The following OCLN variants were observed in gnomAD, a reference collection of about 807,000 sequenced individuals.
OCLN encodes the protein phosphatase 1, regulatory subunit 115.
A neutral mutation model predicts 47.9 loss-of-function variants in OCLN; 21 were observed. The ratio of observed to expected loss-of-function variants is 0.44; its 90% CI spans 0.31 to 0.63. The LOEUF is 0.63. Ranked by LOEUF, OCLN falls within the 30% of genes least tolerant of loss-of-function variation. The pLI, the probability that OCLN is intolerant of heterozygous loss-of-function variation, is 0.08. For synonymous variants in OCLN, 117 were observed against 198.4 expected, an observed-to-expected ratio of 0.59 and a Z score of 3.45; for missense variants, 360 against 571.0, an observed-to-expected ratio of 0.63 and a Z score of 3.77.
intron 4 of OCLN, among the ~76,000 whole-genome samples, chr5:69,519,958 T>TTTTG (rs904164231): frequency 1.3e-5 from 2 of 152,134 alleles, no homozygotes; most frequent in African/African-American, 2.4e-5. Flanking sequence ...ATAAAGTAAT[T>TTTTG]TTTGTTTGTT....
rs1414885007 is a variant in OCLN, at chr5:69,532,138, TTTTTTTTC to T, written c.892-2542_892-2535del. ...TTATGTACTAGGTAGTTTTCTCCTT[TTTTTTTTC>T]TTTTTTTCTTTTTCAGATGAAAACT... On this transcript the variant is annotated intron_variant, in intron 4 of 8. Transcript: ENST00000396442. 7.9e-5 allele frequency among the ~76,000 whole-genome samples: 12 copies of T among 152,322 alleles called. No homozygotes were observed. In the East Asian group the frequency reaches 1.9e-3, roughly 24 times the overall value.
chr5:69,497,025 T>C (rs1446412006), intron 1 of OCLN, among the ~76,000 whole-genome samples: 1 of 152,176 alleles, frequency 6.6e-6, no homozygotes, highest in Non-Finnish European at 1.5e-5. Context: ...TCTTTCACCT[T>C]TGGCTGCTGG....
intron 1 of OCLN, among the ~76,000 whole-genome samples, chr5:69,498,925 C>T (rs1223490673): frequency 5.3e-5 from 8 of 152,070 alleles, no homozygotes; most frequent in Admixed American, 2.0e-4. Context: ...GTGATCCGCC[C>T]GTCTTGGGCT....
chr5:69,506,879 T>C (rs191573565), intron 2 of OCLN, among the ~76,000 whole-genome samples: 18 of 152,324 alleles, frequency 1.2e-4, no homozygotes, highest in Admixed American at 1.0e-3. Context: ...TGACACTTAT[T>C]TTGTGTTGCT....
intron 3 of OCLN, among the ~76,000 whole-genome samples, chr5:69,513,026 C>T (rs1444600267): frequency 2.6e-5 from 4 of 152,110 alleles, no homozygotes; most frequent in Non-Finnish European, 1.5e-5. Context: ...TCACAGTGCT[C>T]GTTGTTGCCA....
chr5:69,529,393 A>G (rs1769369120), intron 4 of OCLN, among the ~76,000 whole-genome samples: 1 of 152,258 alleles, frequency 6.6e-6, no homozygotes. Flanking sequence ...AGCTTTGAAT[A>G]AAAATTTATC....
intron 4 of OCLN, among the ~76,000 whole-genome samples, chr5:69,533,869 C>T (rs1232989818): frequency 6.6e-6 from 1 of 152,140 alleles, no homozygotes; most frequent in Admixed American, 6.5e-5. Context: ...GCTGTGTCAG[C>T]CAGGATGGTC....
At chr5:69,494,653 G>A (rs964897498) in intron 1 of OCLN, among the ~76,000 whole-genome samples, 2 of 152,266 alleles carry the variant, frequency 1.3e-5, no homozygotes, top group South Asian at 2.1e-4. Flanking sequence ...TAGGGAGATC[G>A]GTAAGACATG....
chr5:69,498,514 T>C (rs1768366464), intron 1 of OCLN, among the ~76,000 whole-genome samples: 1 of 151,968 alleles, frequency 6.6e-6, no homozygotes, highest in Admixed American at 6.6e-5. Context: ...AAAAATCAGT[T>C]TACATTTTAA....
intron 4 of OCLN, among the ~76,000 whole-genome samples, chr5:69,520,782 T>C (rs965118718): frequency 6.6e-6 from 1 of 152,164 alleles, no homozygotes; most frequent in African/African-American, 2.4e-5. Flanking sequence ...TTGTTAATAT[T>C]TGTAAAATAC....
chr5:69,516,071 C>G (rs1288200633), intron 4 of OCLN, among the ~76,000 whole-genome samples: 1 of 151,100 alleles, frequency 6.6e-6, no homozygotes, highest in Non-Finnish European at 1.5e-5. Flanking sequence ...CAGGCAGAGA[C>G]GCTCCTCACT....
intron 4 of OCLN, among the ~76,000 whole-genome samples, chr5:69,517,544 C>T (rs1371619665): frequency 6.6e-6 from 1 of 151,868 alleles, no homozygotes; most frequent in African/African-American, 2.4e-5. Context: ...AACTCCTGAC[C>T]TCAAGTGATC....
intron 4 of OCLN, among the ~76,000 whole-genome samples, chr5:69,529,292 C>A (rs1334371403): frequency 6.6e-6 from 1 of 152,168 alleles, no homozygotes; most frequent in African/African-American, 2.4e-5. Context: ...AGGATGTTTT[C>A]ATTAACTCTC....
At chr5:69,529,020 G>A (rs1769358546) in intron 4 of OCLN, among the ~76,000 whole-genome samples, 1 of 152,154 alleles carries the variant, frequency 6.6e-6, no homozygotes, top group Non-Finnish European at 1.5e-5. Context: ...GATCTAAGTG[G>A]GGATAAGTGT....
Position 69,509,631 on chromosome 5 carries a change from A to G in OCLN, c.541A>G (p.Ile181Val). Residue 181 changes from isoleucine to valine, a missense_variant, in exon 3 of 9, where the codon ATC becomes GTC. By Grantham distance (29) the Ile-to-Val change is conservative (BLOSUM62 3). This residue lies in a region of OCLN where 314 missense variants were observed against 368.1 expected (regional missense o/e 0.85). Transcript: ENST00000396442. ...CTTAAGTGTGATAATAGTGAGTGCT[A>G]TCCTGGGCATCATGGTGTTTATTGC... ...YYLSVIIVSA[I>V]LGIMVFIATI... 1 of 1,614,224 alleles carries G rather than the reference A, an allele frequency of 6.2e-7. No homozygotes were observed. The highest frequency in any genetic ancestry group is 8.5e-7 in the Non-Finnish European group (1 of 1,180,040).
Position 69,514,474 on chromosome 5 carries a change from G to A in OCLN, c.891+365G>A, listed in dbSNP as rs116402033. On this transcript the variant is annotated intron_variant, in intron 4 of 8. Transcript: ENST00000396442. Reference sequence around the variant, plus strand: ...AGAAACCATTGCCAAAGGTGCTCTCGTGGGTCAAGATTGGCAAGAGTGTTT... The same window carrying A: ...AGAAACCATTGCCAAAGGTGCTCTCATGGGTCAAGATTGGCAAGAGTGTTT... Among the ~76,000 whole-genome samples, 363 of 151,728 alleles carry A rather than the reference G, an allele frequency of 2.4e-3. 2 individuals carry two copies. The highest frequency in any genetic ancestry group is 8.4e-3 in the African/African-American group (346 of 41,370).
intron 1 of OCLN, among the ~76,000 whole-genome samples, chr5:69,501,736 T>C (rs1442766530): frequency 2.0e-5 from 3 of 152,220 alleles, no homozygotes; most frequent in Non-Finnish European, 4.4e-5. Flanking sequence ...AAAGTGGCTT[T>C]TAAAAATGTA....
chr5:69,520,093 G>A (rs537188032), intron 4 of OCLN, among the ~76,000 whole-genome samples: 1 of 152,112 alleles, frequency 6.6e-6, no homozygotes, highest in Admixed American at 6.6e-5. Flanking sequence ...CGAGTATCTG[G>A]GATTACAGGT....
At chr5:69,514,209 G>C in intron 4 of OCLN, 100 bp downstream of exon 4, 1 of 1,087,470 alleles carries the variant, frequency 9.2e-7, no homozygotes, top group Non-Finnish European at 1.4e-6. Context: ...ATTAATGTTT[G>C]TATATGTTGC....
Sources: gnomAD v4.1 joint callset for allele counts (sites outside exome capture counted in the v4.1 genomes callset) on GRCh38, gnomAD v4.1.1 for gene constraint, gnomAD v4.1.1 regional missense constraint, MANE v1.5 for transcripts, NCBI Gene and HGNC (gene_info 2026-07-23, HGNC 2026-07-21) for gene names.